OPA3: variants seen among roughly 807,000 people sequenced by gnomAD.
The protein encoded by OPA3 is outer mitochondrial membrane lipid metabolism regulator OPA3, also known as optic atrophy 3 protein.
In OPA3, 6 loss-of-function variants were observed where a neutral mutation model predicts 4.0. That is an observed-to-expected ratio of 1.51 (90% confidence interval 0.83 to 2.99). The LOEUF is 2.99. Among genes scored for constraint, OPA3 ranks in the 30% most tolerant of loss-of-function variants. OPA3 has a pLI of 0.00. For synonymous variants in OPA3, 105 were observed against 117.1 expected (o/e 0.90, Z 0.67); for missense variants, 235 against 256.2 (o/e 0.92, Z 0.56).
intron 1 of OPA3, among the ~76,000 whole-genome samples, chr19:45,558,039 A>G (rs148591214): frequency 3.0e-4 from 45 of 152,312 alleles, no homozygotes; most frequent in Non-Finnish European, 6.2e-4. Flanking sequence ...TGGTGAGAAG[A>G]AAAGAACAAA....
chr19:45,543,971 A>C (rs539152980), downstream of OPA3, among the ~76,000 whole-genome samples: 29 of 152,274 alleles, frequency 1.9e-4, no homozygotes, highest in Non-Finnish European at 3.5e-4. Context: ...GTTGCTGGCA[A>C]TGCAGAGTCA....
At chr19:45,581,563 T>C in intron 1 of OPA3, among the ~76,000 whole-genome samples, 1 of 152,140 alleles carries the variant, frequency 6.6e-6, no homozygotes, top group East Asian at 1.9e-4. Flanking sequence ...AGGGCACAGA[T>C]TGGTGCTGGT....
At chr19:45,563,224 A>G (rs1449737412) in intron 1 of OPA3, among the ~76,000 whole-genome samples, 3 of 152,082 alleles carry the variant, frequency 2.0e-5, no homozygotes, top group African/African-American at 7.2e-5. Context: ...CAGTGGCTCG[A>G]TCTTGGCTCA....
chr19:45,574,917 G>A (rs1969744793), intron 1 of OPA3, among the ~76,000 whole-genome samples: 1 of 152,076 alleles, frequency 6.6e-6, no homozygotes, highest in Non-Finnish European at 1.5e-5. Context: ...GAGAAGAGAG[G>A]CCCAGAGGCT....
At chr19:45,558,462 C>T (rs946900998) in intron 1 of OPA3, among the ~76,000 whole-genome samples, 1 of 152,216 alleles carries the variant, frequency 6.6e-6, no homozygotes, top group Admixed American at 6.5e-5. Context: ...AAGTCCCCTC[C>T]TCAGAGGAAC....
Position 45,553,546 on chromosome 19 carries a change from C to G in OPA3, c.508G>C (p.Ala170Pro). The change falls in exon 2 of 2, where the codon GCT (alanine) becomes CCT (proline). Residue 170 changes from alanine to proline, a missense_variant. Transcript: ENST00000263275. ...RAQLCNPGRSASHAVPASKK is the reference protein window; with the variant it reads ...RAQLCNPGRSPSHAVPASKK ...TTGGACGCAGGCACTGCGTGGGAAGCGGACCGGCCGGGATTGCAGAGCTGG... is the reference window on the plus strand; with the variant it reads ...TTGGACGCAGGCACTGCGTGGGAAGGGGACCGGCCGGGATTGCAGAGCTGG... 6.2e-7 allele frequency: 1 copy of G among 1,613,346 alleles called. No homozygotes were observed. The highest frequency in any genetic ancestry group is 8.5e-7 in the Non-Finnish European group (1 of 1,179,998).
In OPA3 at chr19:45,584,554, C is replaced by A; in HGVS notation, c.142+69G>T. On this transcript the variant is annotated intron_variant, in intron 1 of 1. Transcript: ENST00000263275. ...TGATTGGTCGTAGACAGAAGTCCAT[C>A]CCCTAAGCAACCACCTGACAGGGGT... The A allele has an allele frequency of 2.5e-6, 4 of 1,611,400 alleles. No individual in the cohort carries two copies. The South Asian group carries it at 4.4e-5, about 18-fold the overall frequency.
At chr19:45,578,751 C>T (rs1343903210) in intron 1 of OPA3, among the ~76,000 whole-genome samples, 3 of 152,142 alleles carry the variant, frequency 2.0e-5, no homozygotes, top group African/African-American at 7.2e-5. Flanking sequence ...CACTTGAACC[C>T]GGGAGGCGGA....
chr19:45,538,613 C>G (rs1855935279), intron 1 of OPA3, among the ~76,000 whole-genome samples: 1 of 151,732 alleles, frequency 6.6e-6, no homozygotes, highest in South Asian at 2.1e-4. Flanking sequence ...ATTCCAGTTA[C>G]TTGGGAGGCT....
At chr19:45,534,867 G>A (rs528580759) in intron 1 of OPA3, among the ~76,000 whole-genome samples, 1 of 152,110 alleles carries the variant, frequency 6.6e-6, no homozygotes, top group South Asian at 2.1e-4. Flanking sequence ...TCCTGACCTC[G>A]TGATCCCCCA....
chr19:45,567,779 G>A (rs564407142), intron 1 of OPA3, among the ~76,000 whole-genome samples: 63 of 152,250 alleles, frequency 4.1e-4, no homozygotes, highest in African/African-American at 1.3e-3. Flanking sequence ...TGTTTCTCTC[G>A]CTTTGAGAGA....
At chr19:45,536,746 A>G (rs534071135) in intron 1 of OPA3, among the ~76,000 whole-genome samples, 1 of 152,348 alleles carries the variant, frequency 6.6e-6, no homozygotes, top group East Asian at 1.9e-4. Flanking sequence ...ATGCACAGTC[A>G]TATGACTTGT....
chr19:45,578,323 T>C (rs1969797368), intron 1 of OPA3, among the ~76,000 whole-genome samples: 1 of 152,174 alleles, frequency 6.6e-6, no homozygotes. Context: ...GTGCTTGAGA[T>C]ATTCTGCAGA....
chr19:45,564,463 G>A (rs898132037), intron 1 of OPA3, among the ~76,000 whole-genome samples: 1 of 152,166 alleles, frequency 6.6e-6, no homozygotes, highest in Non-Finnish European at 1.5e-5. Context: ...ACAGCCCAGG[G>A]GGCAAGTGCC....
intron 1 of OPA3, among the ~76,000 whole-genome samples, chr19:45,534,629 C>CCTTTTT (rs575680083): frequency 1.3e-5 from 2 of 150,884 alleles, no homozygotes; most frequent in African/African-American, 4.9e-5. Flanking sequence ...CCACTGAACC[C>CCTTTTT]CTTTTTCTTT....
downstream of OPA3, among the ~76,000 whole-genome samples, chr19:45,544,795 A>AAAAT (rs200192671): frequency 0.029 from 4,128 of 140,696 alleles, 74 homozygotes; most frequent in Middle Eastern, 0.04. Flanking sequence ...ACTCCGTCTC[A>AAAAT]AAATAAATAA....
At chr19:45,578,197 T>C (rs566596816) in intron 1 of OPA3, among the ~76,000 whole-genome samples, 124 of 152,150 alleles carry the variant, frequency 8.1e-4, no homozygotes, top group African/African-American at 2.8e-3. Context: ...TCTTGCCTGG[T>C]GACTAGATTG....
intron 1 of OPA3, among the ~76,000 whole-genome samples, chr19:45,570,979 G>GC (rs1969655175): frequency 6.6e-5 from 1 of 15,230 alleles, no homozygotes; most frequent in East Asian, 1.5e-3. Context: ...AAAACTATTT[G>GC]GGGGGGGGGG....
In OPA3 at chr19:45,528,984, G is replaced by A. The variant is rs541954840; in HGVS notation, c.*72C>T. On this transcript the variant is annotated 3_prime_UTR_variant, in exon 2 of 2. Transcript: ENST00000323060. ...GGGCCGGTCCAGGATGGGACAGTGC[G>A]GAGAATAGGCCAAGACAGAGACTTC... 9.8e-5 allele frequency: 149 copies of A among 1,517,936 alleles called. No homozygotes were observed. In the South Asian group the frequency reaches 1.6e-3, roughly 16 times the overall value. 94.0% of individuals were successfully genotyped at this position (1,517,936 alleles called of 1,614,324 possible).
Sources: allele counts gnomAD v4.1 joint callset (sites outside exome capture counted in the v4.1 genomes callset), GRCh38; gene constraint gnomAD v4.1.1; transcripts MANE v1.5; gene names NCBI Gene and HGNC (gene_info 2026-07-23, HGNC 2026-07-21).